LRP1B: variants seen among roughly 807,000 people sequenced by gnomAD.
LRP1B encodes LDL receptor related protein 1B, also known as low-density lipoprotein receptor-related protein 1B.
A neutral mutation model predicts 556.6 loss-of-function variants in LRP1B; 217 were observed. The ratio of observed to expected loss-of-function variants is 0.39; its 90% CI spans 0.35 to 0.44. The LOEUF is 0.44. Ranked by LOEUF, LRP1B falls within the 20% of genes least tolerant of loss-of-function variation. The pLI is 1.00. For missense variants in LRP1B, 5,053 were observed against 5,620.8 expected, an observed-to-expected ratio of 0.90 and a Z score of 3.23; for synonymous variants, 2,047 against 1,865.8, an observed-to-expected ratio of 1.10 and a Z score of -2.50.
intron 61 of LRP1B, among the ~76,000 whole-genome samples, chr2:140,457,251 C>A (rs16843995): frequency 0.014 from 2,187 of 152,224 alleles, 47 homozygotes; most frequent in African/African-American, 0.048. Context: ...TTGAACAAAT[C>A]CATAATTCTT....
chr2:142,039,896 G>A lies in LRP1B; in HGVS notation c.82+90752C>T, dbSNP rs534120836. ...TCAGGACATAGATCGAGAGGATGGT[G>A]TAGATTTTCATCAATCAATTAAGCA... is the stretch of plus-strand genomic sequence containing the variant. On this transcript the variant is annotated intron_variant, in intron 1 of 90. Coordinates refer to ENST00000389484, the MANE Select transcript of LRP1B (RefSeq NM_018557.3). Among the ~76,000 whole-genome samples the A allele has an allele frequency of 7.3e-5, 11 of 151,588 alleles. No homozygotes were observed. In the East Asian group the frequency reaches 1.6e-3, roughly 21 times the overall value.
chr2:141,739,609 G>A (rs185925005), intron 2 of LRP1B, among the ~76,000 whole-genome samples: 2 of 151,266 alleles, frequency 1.3e-5, no homozygotes, highest in East Asian at 3.9e-4. Context: ...CTTCACTTGC[G>A]AAGTTGTTTA....
At chr2:140,450,748 C>T (rs1686852133) in intron 62 of LRP1B, 87 bp from the exon 63 acceptor site, 1 of 847,884 alleles carries the variant, frequency 1.2e-6, no homozygotes, top group Non-Finnish European at 1.8e-6. Flanking sequence ...ACAGCCTAGT[C>T]TACTTTTTTG....
chr2:141,064,741 T>G (rs1033236886), intron 7 of LRP1B, among the ~76,000 whole-genome samples: 2 of 151,960 alleles, frequency 1.3e-5, no homozygotes, highest in African/African-American at 4.8e-5. Flanking sequence ...TAAAATTTCC[T>G]GTTACAGAGA....
intron 2 of LRP1B, among the ~76,000 whole-genome samples, chr2:141,649,235 T>C (rs1439710190): frequency 6.6e-6 from 1 of 152,164 alleles, no homozygotes; most frequent in African/African-American, 2.4e-5. Flanking sequence ...AAGGACAGGC[T>C]GTGAGGGAGG....
At chr2:141,684,196 A>G (rs962802170) in intron 2 of LRP1B, among the ~76,000 whole-genome samples, 2 of 152,134 alleles carry the variant, frequency 1.3e-5, no homozygotes, top group African/African-American at 4.8e-5. Flanking sequence ...AAGACTTGGA[A>G]CCAACCCAAA....
At chr2:140,472,338 G>A (rs969589018) in intron 60 of LRP1B, among the ~76,000 whole-genome samples, 1 of 152,074 alleles carries the variant, frequency 6.6e-6, no homozygotes, top group African/African-American at 2.4e-5. Flanking sequence ...TTATTCAGTA[G>A]CATGTTTTTT....
At chr2:140,741,872 G>A (rs902223862) in intron 35 of LRP1B, among the ~76,000 whole-genome samples, 1 of 152,024 alleles carries the variant, frequency 6.6e-6, no homozygotes, top group Non-Finnish European at 1.5e-5. Context: ...TTGGTTTTCT[G>A]TTTCTGCATT....
In LRP1B at chr2:141,835,985, T is replaced by C. The variant is rs1697263151; in HGVS notation, c.83-25584A>G. ...CATTTTAATATCTGATATGTAATGA[T>C]TACAAAACAGAAATAGAAGGAATGA... On this transcript the variant is annotated intron_variant, in intron 1 of 90. Coordinates refer to ENST00000389484, the MANE Select transcript of LRP1B (RefSeq NM_018557.3). 2.6e-5 allele frequency among the ~76,000 whole-genome samples: 4 copies of C among 152,014 alleles called. 1 individual carries two copies. Among genetic ancestry groups the C allele is most frequent in the South Asian group, 4.1e-4 (2 of 4,836 alleles).
chr2:141,767,717 A>G (rs1238597028), intron 2 of LRP1B, among the ~76,000 whole-genome samples: 2 of 152,214 alleles, frequency 1.3e-5, no homozygotes, highest in African/African-American at 4.8e-5. Flanking sequence ...TTAAACTCAT[A>G]GCCTGTGGGA....
chr2:142,074,614 C>T (rs959698780), intron 1 of LRP1B, among the ~76,000 whole-genome samples: 17 of 151,984 alleles, frequency 1.1e-4, no homozygotes, highest in African/African-American at 4.1e-4. Context: ...GGAAAACCAC[C>T]CTTTTGCCTC....
Position 141,013,589 on chromosome 2 carries a change from C to T in LRP1B, c.2347G>A (p.Gly783Arg), listed in dbSNP as rs762960943. 2 of 1,609,348 alleles carry T rather than the reference C, an allele frequency of 1.2e-6. No homozygotes were observed. Among genetic ancestry groups the T allele is most frequent in the Admixed American group, 1.7e-5 (1 of 59,140 alleles). ...LLRHERPPLF[G>R]LQIYDPRKQQ... ...TTTCGTGGATCATAAATCTGAAGCC[C>T]AAATAGGGGTGGTCTTTCATGCCTC... Residue 783 changes from glycine to arginine, a missense_variant, in exon 14 of 91, where the codon GGG (glycine) becomes AGG (arginine). By Grantham distance (125) the Gly-to-Arg change is moderately radical. Around this residue, in one of 5 missense-constraint regions of LRP1B, gnomAD observed 3,619 missense variants for 3,931.9 expected, o/e 0.92. Transcript: ENST00000389484.
At position 142,069,534 on chromosome 2, in the gene LRP1B, A is replaced by T. The variant is rs1330838705; in HGVS notation, c.82+61114T>A. Among the ~76,000 whole-genome samples the T allele has an allele frequency of 2.0e-5, 3 of 151,632 alleles. No homozygotes were observed. The Admixed American group carries it at 2.0e-4, about 10-fold the overall frequency. On this transcript the variant is annotated intron_variant, in intron 1 of 90. Transcript: ENST00000389484. The stretch of plus-strand genomic sequence containing the variant: ...TAATCATTGCCACTTACTGAAACTG[A>T]CATTCATTCACTTAATCTTTTACTC...
chr2:140,318,534 C>T (rs1684628277), intron 82 of LRP1B, among the ~76,000 whole-genome samples: 1 of 152,048 alleles, frequency 6.6e-6, no homozygotes, highest in Admixed American at 6.6e-5. Flanking sequence ...TCTTACCTAC[C>T]TCAAAGTGAC....
intron 1 of LRP1B, among the ~76,000 whole-genome samples, chr2:142,105,806 A>C (rs1706727220): frequency 1.3e-5 from 2 of 152,134 alleles, no homozygotes; most frequent in African/African-American, 2.4e-5. Context: ...TTTAGTAGGA[A>C]ATTTATTTTA....
rs868247775 is a variant in LRP1B, at chr2:141,624,992, T to C, written c.206-144459A>G. On this transcript the variant is annotated intron_variant, in intron 2 of 90. Coordinates refer to ENST00000389484, the MANE Select transcript of LRP1B (RefSeq NM_018557.3). ...ACTGTGTTAGCCAGGATGGTCTCGA[T>C]CTCCTGACCTCGTGATCCGCCCGCC... is the stretch of plus-strand genomic sequence containing the variant. 5.1e-4 allele frequency among the ~76,000 whole-genome samples: 78 copies of C among 152,150 alleles called. 1 individual carries two copies. The highest frequency in any genetic ancestry group is 3.4e-3 in the Middle Eastern group (1 of 294).
intron 14 of LRP1B, among the ~76,000 whole-genome samples, chr2:141,012,593 A>G (rs1697787451): frequency 6.6e-6 from 1 of 151,986 alleles, no homozygotes; most frequent in African/African-American, 2.4e-5. Context: ...ATCTTTTATC[A>G]GCTATTGATA....
At chr2:140,731,317 C>T (rs1687767937) in intron 35 of LRP1B, among the ~76,000 whole-genome samples, 1 of 152,060 alleles carries the variant, frequency 6.6e-6, no homozygotes, top group African/African-American at 2.4e-5. Flanking sequence ...ATGTCTTCCT[C>T]CAGCTTTCCA....
intron 27 of LRP1B, among the ~76,000 whole-genome samples, chr2:140,858,033 T>C (rs1396463182): frequency 6.6e-6 from 1 of 152,186 alleles, no homozygotes; most frequent in Non-Finnish European, 1.5e-5. Flanking sequence ...TGGTTCTCAA[T>C]CCTTGGAGAT....
Sources: gnomAD v4.1 joint callset for allele counts (sites outside exome capture counted in the v4.1 genomes callset) on GRCh38, gnomAD v4.1.1 for gene constraint, gnomAD v4.1.1 regional missense constraint, MANE v1.5 for transcripts, NCBI Gene and HGNC (gene_info 2026-07-23, HGNC 2026-07-21) for gene names.